Variants in IQSEC3 observed in about 807,000 individuals in gnomAD.
IQSEC3 encodes the protein IQ motif and SEC7 domain-containing protein 3.
IQSEC3 carries 50 observed loss-of-function variants against 105.4 expected under a neutral mutation model. The ratio of observed to expected loss-of-function variants is 0.47; its 90% confidence interval spans 0.38 to 0.60. The LOEUF is 0.60. IQSEC3 is among the 20% of genes least tolerant of loss of function. The pLI is 0.00. For missense variants in IQSEC3, 1,415 were observed against 1,630.0 expected (o/e 0.87, Z 2.27); for synonymous variants, 708 against 746.0 (o/e 0.95, Z 0.83).
intron 2 of IQSEC3, among the ~76,000 whole-genome samples, chr12:111,338 A>G (rs1864878954): frequency 6.6e-6 from 1 of 152,150 alleles, no homozygotes; most frequent in Non-Finnish European, 1.5e-5. Context: ...AACAAACTTT[A>G]TCATCTTTTG....
chr12:113,957 A>C (rs1354658725), intron 2 of IQSEC3, among the ~76,000 whole-genome samples: 3 of 152,232 alleles, frequency 2.0e-5, no homozygotes, highest in Non-Finnish European at 4.4e-5. Flanking sequence ...TAAACCAGAT[A>C]ATTCAAATCT....
At chr12:107,570 C>T (rs1282970105) in intron 2 of IQSEC3, among the ~76,000 whole-genome samples, 17 of 151,790 alleles carry the variant, frequency 1.1e-4, no homozygotes, top group Admixed American at 5.2e-4. Flanking sequence ...CCACCGTGCC[C>T]GGCTAATTTT....
At chr12:78,815 G>A (rs1457903370) in intron 1 of IQSEC3, among the ~76,000 whole-genome samples, 3 of 152,132 alleles carry the variant, frequency 2.0e-5, no homozygotes, top group Non-Finnish European at 4.4e-5. Context: ...CAAGCCGAGT[G>A]CCTGGCACGC....
chr12:76,894 T>A (rs1252654070), intron 1 of IQSEC3, among the ~76,000 whole-genome samples: 1 of 152,192 alleles, frequency 6.6e-6, no homozygotes, highest in African/African-American at 2.4e-5. Context: ...ATGCACCAGG[T>A]CAAACCAGCC....
intron 3 of IQSEC3, among the ~76,000 whole-genome samples, chr12:134,127 G>C (rs532075819): frequency 5.9e-5 from 9 of 152,342 alleles, no homozygotes; most frequent in Non-Finnish European, 1.0e-4. Context: ...AGGAGCGGGA[G>C]AGCGTCTGCT....
intron 1 of IQSEC3, among the ~76,000 whole-genome samples, chr12:87,565 G>A (rs1169543919): frequency 6.6e-6 from 1 of 152,210 alleles, no homozygotes; most frequent in Non-Finnish European, 1.5e-5. Flanking sequence ...CAAGGTGAAA[G>A]GAAGCTCACA....
chr12:151,897 T>G (rs968958872), intron 5 of IQSEC3, among the ~76,000 whole-genome samples: 10 of 152,054 alleles, frequency 6.6e-5, no homozygotes, highest in African/African-American at 2.4e-4. Flanking sequence ...AGGCCTCAGC[T>G]CAAATGCCAT....
chr12:94,172 C>T (rs1864177013), intron 1 of IQSEC3, among the ~76,000 whole-genome samples: 1 of 152,180 alleles, frequency 6.6e-6, no homozygotes, highest in Non-Finnish European at 1.5e-5. Flanking sequence ...CATCACTATA[C>T]CAGGCACTGA....
At position 171,876 on chromosome 12, in the gene IQSEC3, GCCATA is replaced by G. The variant is rs1939016380; in HGVS notation, c.3114+717_3114+721del. Among the ~76,000 whole-genome samples, 3 of 152,210 alleles carry G rather than the reference GCCATA, an allele frequency of 2.0e-5. No individual in the cohort carries two copies. In the South Asian group the frequency reaches 6.2e-4, roughly 32 times the overall value. On this transcript the variant is annotated intron_variant, in intron 13 of 13. Transcript: ENST00000538872. ...GGGGAGGCTGCCCATTTGGCTCCAT[GCCATA>G]CAGTGAGGGACTGCAGAAGACCCAG...
intron 13 of IQSEC3, among the ~76,000 whole-genome samples, chr12:171,706 A>T (rs1023545538): frequency 6.6e-6 from 1 of 151,650 alleles, no homozygotes; most frequent in South Asian, 2.1e-4. Flanking sequence ...GGGAGGGGGA[A>T]CTCCTCCCCG....
chr12:76,336 G>A (rs201808956), intron 1 of IQSEC3, among the ~76,000 whole-genome samples: 7 of 152,270 alleles, frequency 4.6e-5, no homozygotes, highest in Admixed American at 1.3e-4. Context: ...GTGACGGGAC[G>A]GTGAGCAGGT....
chr12:82,343 A>G (rs1863773233), intron 1 of IQSEC3, among the ~76,000 whole-genome samples: 1 of 152,220 alleles, frequency 6.6e-6, no homozygotes, highest in Non-Finnish European at 1.5e-5. Context: ...TATGTTTGAC[A>G]TTTCCCTAAT....
chr12:163,407 C>T, intron 8 of IQSEC3, 87 bp from the exon 9 acceptor site: 3 of 1,381,566 alleles, frequency 2.2e-6, no homozygotes, highest in Non-Finnish European at 2.9e-6. Context: ...CTCTCCCGGG[C>T]TGTCTCCTCT....
In IQSEC3 at chr12:67,211, A is replaced by C; in HGVS notation, c.329A>C (p.Asp110Ala). Residue 110 changes from aspartate to alanine, a missense_variant, in exon 1 of 14, where the codon GAT (aspartate) becomes GCT (alanine). This residue lies in a region of IQSEC3 where 26 missense variants were observed against 108.1 expected (regional missense o/e 0.24). Transcript: ENST00000538872. ...RSAAAPHPAP[D>A]RPPRQHHGQL... ...GCAGCCGCGCCGCATCCCGCGCCCG[A>C]TCGGCCGCCGCGTCAGCACCACGGA... 4 of 1,559,144 alleles carry C rather than the reference A, an allele frequency of 2.6e-6. No homozygotes were observed. The highest frequency in any genetic ancestry group is 3.4e-6 in the Non-Finnish European group (4 of 1,161,100).
chr12:73,261 G>A (rs1555068023), intron 1 of IQSEC3, among the ~76,000 whole-genome samples: 1 of 152,204 alleles, frequency 6.6e-6, no homozygotes, highest in African/African-American at 2.4e-5. Context: ...CCAGCTGTGA[G>A]ACGTCGCCTT....
chr12:153,886 G>A (rs1866592910), intron 5 of IQSEC3, among the ~76,000 whole-genome samples: 2 of 152,158 alleles, frequency 1.3e-5, no homozygotes, highest in African/African-American at 2.4e-5. Flanking sequence ...GGAACAACCG[G>A]GAGATCTTGC....
chr12:97,278 A>G (rs1007089439), intron 1 of IQSEC3, among the ~76,000 whole-genome samples: 1 of 152,192 alleles, frequency 6.6e-6, no homozygotes, highest in Non-Finnish European at 1.5e-5. Flanking sequence ...CATTTTGCAC[A>G]TATACTTTCC....
chr12:80,204 G>C (rs781824459), intron 1 of IQSEC3, among the ~76,000 whole-genome samples: 4 of 152,232 alleles, frequency 2.6e-5, no homozygotes, highest in African/African-American at 7.2e-5. Context: ...GCCTCCTGCA[G>C]ACATGGGTCA....
Position 134,650 on chromosome 12 carries a change from T to C in IQSEC3, c.904-3617T>C, listed in dbSNP as rs1235817288. 1.6e-3 allele frequency among the ~76,000 whole-genome samples: 213 copies of C among 136,264 alleles called. No homozygotes were observed. The Middle Eastern group carries it at 0.02, about 13-fold the overall frequency. 89.4% of individuals were successfully genotyped at this position (136,264 alleles called of 152,430 possible). ...GGCCCACGCCTGTAATCCCAGCACT[T>C]TGGGAGGCCAAGGTGGGCGGATCAC... On this transcript the variant is annotated intron_variant, in intron 3 of 13. Coordinates refer to ENST00000538872, the MANE Select transcript of IQSEC3 (RefSeq NM_001170738.2).
Sources: allele counts gnomAD v4.1 joint callset (sites outside exome capture counted in the v4.1 genomes callset), GRCh38; gene constraint gnomAD v4.1.1; regional missense constraint gnomAD v4.1.1; transcripts MANE v1.5; gene names NCBI Gene and HGNC (gene_info 2026-07-23, HGNC 2026-07-21).